MAST1: variants seen among roughly 807,000 people sequenced by gnomAD.
The protein encoded by MAST1 is microtubule associated serine/threonine kinase 1.
MAST1 carries 40 observed loss-of-function variants against 124.6 expected under a neutral mutation model. That is an observed-to-expected ratio of 0.32 (90% CI 0.25 to 0.42). MAST1 has a LOEUF of 0.42. Ranked by LOEUF, MAST1 falls within the 10% of genes least tolerant of loss-of-function variation. The probability of loss-of-function intolerance (pLI) is 1.00; values close to 1 mark genes in which losing one functional copy is unlikely to be tolerated. For missense variants in MAST1, 1,558 were observed against 2,181.9 expected (o/e 0.71, Z 5.70); for synonymous variants, 938 against 939.4 (o/e 1.00, Z 0.03).
chr19:12,864,363 T>C (rs1390251751), intron 12 of MAST1, among the ~76,000 whole-genome samples: 1 of 146,792 alleles, frequency 6.8e-6, no homozygotes, highest in Admixed American at 7.0e-5. Context: ...CACCGCACTC[T>C]AGACTGGGCA....
Position 12,847,680 on chromosome 19 carries a change from T to C in MAST1, c.557T>C (p.Phe186Ser). The change falls in exon 6 of 26, where the codon TTC becomes TCC. Residue 186 changes from phenylalanine (F) to serine (S), a missense_variant. By Grantham distance (155) the Phe-to-Ser change is radical (BLOSUM62 -2). Around this residue, in one of 10 missense-constraint regions of MAST1, gnomAD observed 165 missense variants for 315.3 expected, o/e 0.52. Coordinates refer to ENST00000251472, the MANE Select transcript of MAST1 (RefSeq NM_014975.3). This position sits in a 1 kb window ranked among gnomAD's most constrained non-coding sequence, Gnocchi z 5.5. ...ATGAATCACGTCTACAAGGAGAGGT[T>C]CCCGAAGGTGAGGTGGGACCCGAGG... ...VMMNHVYKER[F>S]PKATAQMEEK... 1 of 1,613,814 alleles carries C rather than the reference T, an allele frequency of 6.2e-7. No individual in the cohort carries two copies. Among genetic ancestry groups the C allele is most frequent in the Non-Finnish European group, 8.5e-7 (1 of 1,179,926 alleles).
rs1261925984 is a variant in MAST1, at chr19:12,874,530, A to G, written c.4373A>G (p.Lys1458Arg). The change falls in exon 26 of 26, where the codon AAG (lysine) becomes AGG (arginine). Residue 1458 changes from lysine to arginine, a missense_variant. Transcript: ENST00000251472. This position sits in a 1 kb window ranked among gnomAD's most constrained non-coding sequence, Gnocchi z 6.6. ...CCTCAGCCTCTGGGCGCGGACTCCA[A>G]GGGGTTGCAGGAACCCGCACCCCTG... The part of the protein sequence containing the change: ...VVPQPLGADS[K>R]GLQEPAPLAP... The G allele has an allele frequency of 6.6e-7, 1 of 1,521,366 alleles. No homozygotes were observed. Among genetic ancestry groups the G allele is most frequent in the Non-Finnish European group, 8.8e-7 (1 of 1,139,198 alleles). 94.2% of individuals were successfully genotyped at this position (1,521,366 alleles called of 1,614,324 possible). A position where few individuals can be genotyped will look rare whatever the true frequency, so the allele number is the denominator to read the frequency against.
intron 10 of MAST1, among the ~76,000 whole-genome samples, chr19:12,854,659 C>A (rs1969999509): frequency 6.6e-6 from 1 of 152,114 alleles, no homozygotes; most frequent in Non-Finnish European, 1.5e-5. Context: ...TGTGGGTGTA[C>A]AAATATTTGG....
In MAST1 at chr19:12,841,457, G is replaced by T. The variant is rs11085818; in HGVS notation, c.248+391G>T. Among the ~76,000 whole-genome samples, 1 of 152,112 alleles carries T rather than the reference G, an allele frequency of 6.6e-6. No individual in the cohort carries two copies. The highest frequency in any genetic ancestry group is 6.5e-5 in the Admixed American group (1 of 15,290). ...TCGAGGGACTCTTGGTCCCCGAGGT[G>T]GGGGAGGACGACTAGGGCTGTTTCT... On this transcript the variant is annotated intron_variant, in intron 3 of 25. Transcript: ENST00000251472. The surrounding 1 kb of genome is among the most constrained non-coding windows in gnomAD (Gnocchi z 4.3).
chr19:12,848,322 T>A (rs1969921735), intron 7 of MAST1: 1 of 447,926 alleles, frequency 2.2e-6, no homozygotes, highest in Non-Finnish European at 4.0e-6. Flanking sequence ...CCCCAGTCAT[T>A]TAAAATATTA....
chr19:12,849,702 T>C (rs1057339267), intron 7 of MAST1, among the ~76,000 whole-genome samples: 7 of 151,920 alleles, frequency 4.6e-5, no homozygotes, highest in Non-Finnish European at 2.9e-5. Context: ...ATTAGCTAGG[T>C]GTAGTGGCAC....
At chr19:12,842,540 G>A (rs539333622) in intron 3 of MAST1, among the ~76,000 whole-genome samples, 1 of 152,210 alleles carries the variant, frequency 6.6e-6, no homozygotes, top group Admixed American at 6.5e-5. Flanking sequence ...TGATCCACCC[G>A]CCTCGGCCTC....
intron 22 of MAST1, among the ~76,000 whole-genome samples, chr19:12,869,917 G>A (rs916304863): frequency 1.3e-5 from 2 of 151,806 alleles, no homozygotes; most frequent in Admixed American, 6.6e-5. Context: ...GGCCGAGCGC[G>A]GTGGCTGTAA....
chr19:12,852,586 C>G (rs1214212154), intron 10 of MAST1, among the ~76,000 whole-genome samples, 191 bp downstream of exon 10: 5 of 152,000 alleles, frequency 3.3e-5, no homozygotes, highest in Non-Finnish European at 5.9e-5. Context: ...TGCCTGTAAT[C>G]CCAGCACTTT....
chr19:12,840,924 C>T (rs1022563572), intron 2 of MAST1, 67 bp from the exon 3 acceptor site: 1 of 784,024 alleles, frequency 1.3e-6, no homozygotes, highest in African/African-American at 1.7e-5. Context: ...ACAGGACATG[C>T]TGCTGTTTGC....
rs3064403 is a variant in MAST1, at chr19:12,861,680, C to CTCTTTCTTTCTTTCTTTCTT, written c.1366+2959_1366+2978dup. Among the ~76,000 whole-genome samples, 766 of 143,562 alleles carry CTCTTTCTTTCTTTCTTTCTT rather than the reference C, an allele frequency of 5.3e-3. 9 individuals are homozygous for CTCTTTCTTTCTTTCTTTCTT. The highest frequency in any genetic ancestry group is 9.0e-3 in the African/African-American group (332 of 36,994). The allele number at this position is 143,562 out of a possible 152,430, so 94.2% of individuals were successfully genotyped here. On this transcript the variant is annotated intron_variant, in intron 12 of 25. Transcript: ENST00000251472. ...GTTGTTTTTTTCTTTTTCTTTTTCT[C>CTCTTTCTTTCTTTCTTTCTT]TCTTTCTTTCTTTCTTTCTTTCTTT...
At chr19:12,859,474 A>G (rs1224457786) in intron 12 of MAST1, among the ~76,000 whole-genome samples, 1 of 152,020 alleles carries the variant, frequency 6.6e-6, no homozygotes, top group Non-Finnish European at 1.5e-5. Context: ...GCAGCCTCAA[A>G]TGCCTGGGCT....
At chr19:12,840,635 A>G in intron 2 of MAST1, 101 bp downstream of exon 2, 1 of 845,426 alleles carries the variant, frequency 1.2e-6, no homozygotes, top group Non-Finnish European at 2.0e-6. Flanking sequence ...GCGCAGTTTG[A>G]ATGGAGGCGA....
rs749986681 is a variant in MAST1 at position 12,858,561 on chromosome 19, G to A, written c.1188G>A (p.Thr396=). The A allele has an allele frequency of 1.2e-6, 2 of 1,614,254 alleles. No homozygotes were observed. The highest frequency in any genetic ancestry group is 2.2e-5 in the East Asian group (1 of 44,890). ...TCTACCTGGTGCGGCACCGCGACAC[G>A]CGGCAGCGCTTTGCCATGAAAAAGA... The part of the protein sequence containing the change: ...GAVYLVRHRD[T]RQRFAMKKIN... The change falls in exon 12 of 26, where the codon ACG becomes ACA. Residue 396 remains threonine, a synonymous_variant. Transcript: ENST00000251472.
chr19:12,858,485 G>T lies in MAST1; in HGVS notation c.1157+44G>T, dbSNP rs781752014. 19 of 1,611,916 alleles carry T rather than the reference G, an allele frequency of 1.2e-5. No individual in the cohort carries two copies. The South Asian group carries it at 1.3e-4, about 11-fold the overall frequency. On this transcript the variant is annotated intron_variant, in intron 11 of 25. Transcript: ENST00000251472. ...TGGCGGGGGGAGGGTGGCGGAGGCC[G>T]GGTGTCTCGGAGGTGACGGCCGGTC...
chr19:12,847,916 T>C lies in MAST1; in HGVS notation c.633T>C (p.Pro211=), dbSNP rs746136696. ...TRAYEPDSVL[P]LADGVLSFIH... ...CCTACGAACCCGACAGCGTTCTGCC[T>C]CTGGCCGATGGCGTGCTCAGCTTCA... The change falls in exon 7 of 26, where the codon CCT becomes CCC. Residue 211 remains proline (P), a synonymous_variant. Transcript: ENST00000251472. The surrounding 1 kb of genome is among the most constrained non-coding windows in gnomAD (Gnocchi z 5.5). The C allele has an allele frequency of 1.9e-6, 3 of 1,613,996 alleles. No homozygotes were observed. Among genetic ancestry groups the C allele is most frequent in the Non-Finnish European group, 2.5e-6 (3 of 1,179,950 alleles).
intron 10 of MAST1, among the ~76,000 whole-genome samples, chr19:12,855,181 C>A (rs981437980): frequency 1.3e-5 from 2 of 152,172 alleles, no homozygotes; most frequent in South Asian, 4.2e-4. Context: ...TTGCAGTGAG[C>A]CGATATCAAA....
At chr19:12,845,906 G>T (rs539976419) in intron 4 of MAST1, among the ~76,000 whole-genome samples, 3 of 151,974 alleles carry the variant, frequency 2.0e-5, no homozygotes, top group Non-Finnish European at 4.4e-5. Context: ...TTTTCTGCCC[G>T]CCTCAGCCTC....
intron 20 of MAST1, 126 bp downstream of exon 20, chr19:12,868,103 ATTTTTTTTTT>A (rs34988246): frequency 9.3e-6 from 3 of 321,214 alleles, no homozygotes; most frequent in East Asian, 1.2e-4. Flanking sequence ...GCAATTTGGG[ATTTTTTTTTT>A]TTTTTTTTTT....
Sources: allele counts gnomAD v4.1 joint callset (sites outside exome capture counted in the v4.1 genomes callset), GRCh38; gene constraint gnomAD v4.1.1; regional missense constraint gnomAD v4.1.1; non-coding constraint Gnocchi (gnomAD v3.1); transcripts MANE v1.5; gene names NCBI Gene and HGNC (gene_info 2026-07-23, HGNC 2026-07-21).